Variants in TENM4 observed in about 807,000 individuals in gnomAD.
The protein encoded by TENM4 is teneurin-4.
A neutral mutation model predicts 243.3 loss-of-function variants in TENM4; 82 were observed. That is an observed-to-expected ratio of 0.34 (90% CI 0.28 to 0.40). The LOEUF is 0.40. TENM4 is among the 10% of genes least tolerant of loss of function. TENM4 has a pLI of 1.00. For synonymous variants in TENM4, 1,412 were observed against 1,456.3 expected (o/e 0.97, Z 0.69); for missense variants, 3,138 against 3,673.3 (o/e 0.85, Z 3.77).
In TENM4 at chr11:79,351,856, A is replaced by T. The variant is rs1351816004; in HGVS notation, c.-320-54313T>A. Among the ~76,000 whole-genome samples, 39 of 152,200 alleles carry T rather than the reference A, an allele frequency of 2.6e-4. No individual in the cohort carries two copies. The East Asian group carries it at 6.8e-3, about 26-fold the overall frequency. ...ATGATCATCTACCTAATCACTTGTG[A>T]CTCAGTGCAACAGTTCAACAAGCCT... On this transcript the variant is annotated intron_variant, in intron 1 of 33. Coordinates refer to ENST00000278550, the MANE Select transcript of TENM4 (RefSeq NM_001098816.3).
chr11:79,191,468 G>A (rs1256452856), intron 3 of TENM4: 1 of 152,510 alleles, frequency 6.6e-6, no homozygotes, highest in African/African-American at 2.5e-5. Context: ...GCGTGATCTC[G>A]GCTCGCTACG....
intron 2 of TENM4, among the ~76,000 whole-genome samples, chr11:79,271,608 C>T (rs1231073472): frequency 6.6e-6 from 1 of 152,190 alleles, no homozygotes; most frequent in African/African-American, 2.4e-5. Flanking sequence ...TTACCTAAGG[C>T]ACCAGCTGTT....
chr11:78,851,585 C>G (rs1424119304), intron 12 of TENM4, among the ~76,000 whole-genome samples: 3 of 152,046 alleles, frequency 2.0e-5, no homozygotes, highest in Non-Finnish European at 4.4e-5. Flanking sequence ...TGAACAAGCA[C>G]TACTCTATGC....
At chr11:79,331,305 A>T (rs1388818632) in intron 1 of TENM4, among the ~76,000 whole-genome samples, 1 of 151,888 alleles carries the variant, frequency 6.6e-6, no homozygotes, top group African/African-American at 2.4e-5. Context: ...CAGGCCTTGG[A>T]GTAAGAGTCT....
At chr11:79,282,170 G>C (rs1174285163) in intron 2 of TENM4, among the ~76,000 whole-genome samples, 1 of 152,182 alleles carries the variant, frequency 6.6e-6, no homozygotes, top group Non-Finnish European at 1.5e-5. Flanking sequence ...TACTGAAAAG[G>C]ATGTAAAATG....
intron 2 of TENM4, among the ~76,000 whole-genome samples, chr11:79,252,859 C>T (rs533351850): frequency 6.6e-6 from 1 of 152,160 alleles, no homozygotes; most frequent in Non-Finnish European, 1.5e-5. Flanking sequence ...CAGTTTAGAT[C>T]AGCTGACCCC....
chr11:79,169,643 C>A (rs1039769550), intron 3 of TENM4, among the ~76,000 whole-genome samples: 1 of 152,088 alleles, frequency 6.6e-6, no homozygotes, highest in Non-Finnish European at 1.5e-5. Flanking sequence ...CCCCTCCCCC[C>A]AAAAAATGAT....
chr11:79,108,235 CA>C (rs1209070091), intron 4 of TENM4, among the ~76,000 whole-genome samples: 1 of 152,178 alleles, frequency 6.6e-6, no homozygotes, highest in Non-Finnish European at 1.5e-5. Flanking sequence ...TTAATATCTA[CA>C]GTCAATTGAC....
Position 78,935,727 on chromosome 11 carries a change from A to T in TENM4, c.494-32204T>A, listed in dbSNP as rs577228715. On this transcript the variant is annotated intron_variant, in intron 6 of 33. Coordinates refer to ENST00000278550, the MANE Select transcript of TENM4 (RefSeq NM_001098816.3). Reference sequence around the variant, plus strand: ...TAATGCTGATAACAATTATACCAAGACATGCAGAAAAATATGAGGTAGGAA... The same window carrying T: ...TAATGCTGATAACAATTATACCAAGTCATGCAGAAAAATATGAGGTAGGAA... 6.8e-3 allele frequency among the ~76,000 whole-genome samples: 1,035 copies of T among 152,350 alleles called. 10 individuals are homozygous for T. The highest frequency in any genetic ancestry group is 0.024 in the African/African-American group (992 of 41,592).
intron 28 of TENM4, among the ~76,000 whole-genome samples, chr11:78,696,670 T>TC (rs1858972324): frequency 6.6e-6 from 1 of 152,206 alleles, no homozygotes; most frequent in Non-Finnish European, 1.5e-5. Flanking sequence ...AGGGTTTTTT[T>TC]CCCTCAAGGT....
intron 6 of TENM4, among the ~76,000 whole-genome samples, chr11:78,929,560 A>T (rs916380522): frequency 6.6e-6 from 1 of 152,154 alleles, no homozygotes; most frequent in Non-Finnish European, 1.5e-5. Flanking sequence ...GGACTATGTG[A>T]TGAAATGGGA....
chr11:79,233,652 G>A (rs1443605146), intron 2 of TENM4, among the ~76,000 whole-genome samples: 1 of 152,134 alleles, frequency 6.6e-6, no homozygotes, highest in East Asian at 1.9e-4. Flanking sequence ...CAAGGCGGGG[G>A]GCTGTGAATG....
chr11:79,239,044 C>T (rs1565263878), intron 2 of TENM4, among the ~76,000 whole-genome samples: 1 of 151,882 alleles, frequency 6.6e-6, no homozygotes, highest in Non-Finnish European at 1.5e-5. Flanking sequence ...AACAAACAAA[C>T]ACGCAAAAAG....
intron 6 of TENM4, among the ~76,000 whole-genome samples, chr11:78,922,320 T>G (rs1856465113): frequency 6.6e-6 from 1 of 152,208 alleles, no homozygotes; most frequent in Non-Finnish European, 1.5e-5. Context: ...ATTAATTTAA[T>G]TAAGCCTTGC....
chr11:78,805,277 T>TGCCCCCCCCCCCCACCCCCCCC lies in TENM4; in HGVS notation c.2179+14_2179+15insGGGGGGGGTGGGGGGGGGGGGC. 2.9e-6 allele frequency: 4 copies of TGCCCCCCCCCCCCACCCCCCCC among 1,402,548 alleles called. No homozygotes were observed. Among genetic ancestry groups the TGCCCCCCCCCCCCACCCCCCCC allele is most frequent in the African/African-American group, 1.5e-5 (1 of 68,156 alleles). 86.9% of individuals were successfully genotyped at this position (1,402,548 alleles called of 1,614,324 possible). On this transcript the variant is annotated intron_variant, in intron 15 of 33. Coordinates refer to ENST00000278550, the MANE Select transcript of TENM4 (RefSeq NM_001098816.3). ...CCCCTCCCTCTACCCATGCTTCTTCTCCCCCTGCATTTACCGATAGAACAG... is the reference window on the plus strand; with the variant it reads ...CCCCTCCCTCTACCCATGCTTCTTCTGCCCCCCCCCCCCACCCCCCCCCCCCCTGCATTTACCGATAGAACAG...
intron 6 of TENM4, among the ~76,000 whole-genome samples, chr11:79,012,412 G>A (rs190528491): frequency 3.0e-4 from 46 of 152,236 alleles, no homozygotes; most frequent in African/African-American, 1.1e-3. Flanking sequence ...GGGTGTTGGT[G>A]CTTACTGAGT....
chr11:78,973,417 CT>C (rs1196847988), intron 6 of TENM4, among the ~76,000 whole-genome samples: 1 of 152,210 alleles, frequency 6.6e-6, no homozygotes, highest in Non-Finnish European at 1.5e-5. Context: ...TGCATTTCCC[CT>C]AATGGCAAAT....
At chr11:79,101,027 A>C (rs1453697035) in intron 4 of TENM4, among the ~76,000 whole-genome samples, 1 of 151,886 alleles carries the variant, frequency 6.6e-6, no homozygotes, top group African/African-American at 2.4e-5. Context: ...GTTGCAAAGC[A>C]TCCAGGATTA....
At chr11:78,856,243 A>C (rs1450915539) in intron 10 of TENM4, 65 bp from the exon 11 acceptor site, 27 of 1,424,416 alleles carry the variant, frequency 1.9e-5, no homozygotes, top group Non-Finnish European at 2.5e-5. Flanking sequence ...ACGAGAAACC[A>C]GGGCATCTGA....
Sources: allele counts gnomAD v4.1 joint callset (sites outside exome capture counted in the v4.1 genomes callset), GRCh38; gene constraint gnomAD v4.1.1; transcripts MANE v1.5; gene names NCBI Gene and HGNC (gene_info 2026-07-23, HGNC 2026-07-21).